RAD21L1: variants seen among roughly 807,000 people sequenced by gnomAD.
RAD21L1 encodes RAD21 cohesin complex component like 1, also known as double-strand-break repair protein rad21-like protein 1.
In RAD21L1, 47 loss-of-function variants were observed where a neutral mutation model predicts 69.0. That is an observed-to-expected ratio of 0.68 (90% CI 0.54 to 0.87). RAD21L1 has a LOEUF of 0.87. Ranked by LOEUF, RAD21L1 falls within the 40% of genes least tolerant of loss-of-function variation. The pLI is 0.00. For missense variants in RAD21L1, 583 were observed against 647.6 expected (o/e 0.90, Z 1.08); for synonymous variants, 177 against 205.8 (o/e 0.86, Z 1.20).
At position 1,228,595 on chromosome 20, in the gene RAD21L1, A is replaced by G; in HGVS notation, c.142A>G (p.Lys48Glu). 1 of 1,537,836 alleles carries G rather than the reference A, an allele frequency of 6.5e-7. No individual in the cohort carries two copies. The highest frequency in any genetic ancestry group is 8.8e-7 in the Non-Finnish European group (1 of 1,139,232). Residue 48 changes from lysine (K) to glutamate (E), a missense_variant and splice_region_variant, in exon 2 of 14, where the codon AAG becomes GAG. Physicochemically the swap from Lys to Glu is moderately conservative, Grantham distance 56 (BLOSUM62 1). Coordinates refer to ENST00000683101, the MANE Select transcript of RAD21L1 (RefSeq NM_001384355.1). ...AACCATTGAAAAAATTCTTTCACCC[A>G]AGGTATGTTACTGATTAAAATGATA... ...EITIEKILSP[K>E]VKIALRTSGH...
intron 8 of RAD21L1, 105 bp from the exon 9 acceptor site, chr20:1,242,514 T>A: frequency 3.5e-6 from 3 of 854,076 alleles, no homozygotes; most frequent in Non-Finnish European, 5.7e-6. Flanking sequence ...ATTACAGGCA[T>A]GAGCCACCGT....
At position 1,226,154 on chromosome 20, in the gene RAD21L1, TGA is replaced by T. The variant is rs2087254288; in HGVS notation, c.-33+18_-33+19del. 6.6e-6 allele frequency: 1 copy of T among 151,444 alleles called. No individual in the cohort carries two copies. Among genetic ancestry groups the T allele is most frequent in the African/African-American group, 2.4e-5 (1 of 41,168 alleles). The allele number at this position is 151,444 out of a possible 1,614,324, so 9.4% of individuals were successfully genotyped here. ...GAGGCTTTGAAAGTAGGGCGCAGCC[TGA>T]GAGGCCGGCCGGACCCCGAGTGCTG... is the stretch of plus-strand genomic sequence containing the variant. On this transcript the variant is annotated intron_variant, in intron 1 of 13. Coordinates refer to ENST00000683101, the MANE Select transcript of RAD21L1 (RefSeq NM_001384355.1).
At chr20:1,230,048 C>G (rs1309701771) in intron 3 of RAD21L1, 39 bp downstream of exon 3, 2 of 1,484,196 alleles carry the variant, frequency 1.3e-6, no homozygotes, top group African/African-American at 2.8e-5. Flanking sequence ...TCTTGGTTCC[C>G]TTTTGCATTT....
chr20:1,234,307 A>G (rs2087452489), intron 5 of RAD21L1, 116 bp downstream of exon 5: 3 of 617,708 alleles, frequency 4.9e-6, no homozygotes, highest in Non-Finnish European at 8.8e-6. Flanking sequence ...GTGTAAATGT[A>G]ATTCCCAATA....
intron 11 of RAD21L1, among the ~76,000 whole-genome samples, chr20:1,244,446 G>A (rs1464104431): frequency 6.6e-6 from 1 of 152,118 alleles, no homozygotes; most frequent in Non-Finnish European, 1.5e-5. Flanking sequence ...TGTAAACCTA[G>A]TTATATGCTG....
intron 4 of RAD21L1, 56 bp downstream of exon 4, chr20:1,231,675 A>G: frequency 1.1e-6 from 1 of 908,070 alleles, no homozygotes; most frequent in Non-Finnish European, 1.7e-6. Context: ...TTGTTTTTAT[A>G]TTCAAATTTA....
chr20:1,241,388 T>C (rs894497429), intron 8 of RAD21L1, among the ~76,000 whole-genome samples: 7 of 152,234 alleles, frequency 4.6e-5, no homozygotes, highest in African/African-American at 1.7e-4. Flanking sequence ...ATATATCTAA[T>C]GTAACTACTA....
Position 1,229,955 on chromosome 20 carries a change from C to A in RAD21L1, c.220C>A (p.Leu74Ile). The change falls in exon 3 of 14, where the codon CTT (leucine) becomes ATT (isoleucine). Residue 74 changes from leucine (L) to isoleucine (I), a missense_variant. Coordinates refer to ENST00000683101, the MANE Select transcript of RAD21L1 (RefSeq NM_001384355.1). ...AATCTATAACAGGAAGGCAAAATAT[C>A]TTTTGGCAGATTGCAGTGAAGCATT... ...VRIYNRKAKY[L>I]LADCSEAFLK... is the part of the protein sequence containing the mutation. The A allele has an allele frequency of 6.4e-7, 1 of 1,550,862 alleles. No individual in the cohort carries two copies. The highest frequency in any genetic ancestry group is 2.5e-5 in the East Asian group (1 of 40,814).
At chr20:1,230,099 T>A in intron 3 of RAD21L1, 90 bp downstream of exon 3, 1 of 909,146 alleles carries the variant, frequency 1.1e-6, no homozygotes, top group Non-Finnish European at 1.6e-6. Flanking sequence ...CAGGCTAGTA[T>A]GGTGAATGTA....
intron 4 of RAD21L1, 112 bp downstream of exon 4, chr20:1,231,731 T>C: frequency 1.6e-6 from 1 of 607,382 alleles, no homozygotes; most frequent in Non-Finnish European, 2.9e-6. Context: ...AGTACAGATG[T>C]AATTGATAAA....
At chr20:1,227,584 G>A (rs910826341) in intron 1 of RAD21L1, among the ~76,000 whole-genome samples, 1 of 152,184 alleles carries the variant, frequency 6.6e-6, no homozygotes, top group Non-Finnish European at 1.5e-5. Context: ...TTACTTATAT[G>A]TAAGCAATAA....
intron 12 of RAD21L1, among the ~76,000 whole-genome samples, chr20:1,247,706 T>G (rs2087743467): frequency 6.6e-6 from 1 of 152,136 alleles, no homozygotes; most frequent in Non-Finnish European, 1.5e-5. Context: ...TCTGGTGCTT[T>G]CTGTAATTGT....
At chr20:1,241,760 G>C (rs1319437826) in intron 8 of RAD21L1, among the ~76,000 whole-genome samples, 1 of 152,106 alleles carries the variant, frequency 6.6e-6, no homozygotes. Flanking sequence ...ATTTTACTGA[G>C]GCACATCAGC....
intron 4 of RAD21L1, 64 bp from the exon 5 acceptor site, chr20:1,234,018 AATG>A (rs2087446394): frequency 2.7e-6 from 2 of 727,876 alleles, no homozygotes; most frequent in Non-Finnish European, 2.3e-6. Context: ...TCACTATATC[AATG>A]ATATTTTTAC....
rs2087722328 is a variant in RAD21L1 at position 1,246,567 on chromosome 20, G to T, written c.1401+262G>T. 6.6e-6 allele frequency among the ~76,000 whole-genome samples: 1 copy of T among 152,094 alleles called. No homozygotes were observed. The highest frequency in any genetic ancestry group is 2.4e-5 in the African/African-American group (1 of 41,416). On this transcript the variant is annotated intron_variant, in intron 12 of 13. Coordinates refer to ENST00000683101, the MANE Select transcript of RAD21L1 (RefSeq NM_001384355.1). This position sits in a 1 kb window ranked among gnomAD's most constrained non-coding sequence, Gnocchi z 4.6. ...TGTGAGGTTTTTGTGCTTATCAAAA[G>T]TAGTGACAGGATTTTAAATGTTGAG...
At chr20:1,232,781 G>A (rs1182629592) in intron 4 of RAD21L1, among the ~76,000 whole-genome samples, 4 of 152,142 alleles carry the variant, frequency 2.6e-5, no homozygotes, top group African/African-American at 9.7e-5. Context: ...TAACCTTCAA[G>A]GTGATGGTAT....
At chr20:1,235,383 G>A (rs985192635) in intron 5 of RAD21L1, among the ~76,000 whole-genome samples, 9 of 152,198 alleles carry the variant, frequency 5.9e-5, no homozygotes, top group Admixed American at 2.6e-4. Context: ...AGCCTGTGGT[G>A]AAGGACCAGT....
At chr20:1,242,884 G>C (rs1177818246) in intron 9 of RAD21L1, 39 bp downstream of exon 9, 2 of 1,237,198 alleles carry the variant, frequency 1.6e-6, no homozygotes, top group South Asian at 2.7e-5. Flanking sequence ...GCAATGTCTG[G>C]TTATAAATAA....
At chr20:1,232,835 C>T (rs1178744950) in intron 4 of RAD21L1, among the ~76,000 whole-genome samples, 1 of 152,090 alleles carries the variant, frequency 6.6e-6, no homozygotes, top group African/African-American at 2.4e-5. Context: ...TTAGGAACAA[C>T]AACAACAAAA....
Sources: gnomAD v4.1 joint callset for allele counts (sites outside exome capture counted in the v4.1 genomes callset) on GRCh38, gnomAD v4.1.1 for gene constraint, Gnocchi (gnomAD v3.1) non-coding constraint, MANE v1.5 for transcripts, NCBI Gene and HGNC (gene_info 2026-07-23, HGNC 2026-07-21) for gene names.